Variants in GLDC observed in about 807,000 individuals in gnomAD.
The protein encoded by GLDC is glycine decarboxylase, also known as glycine dehydrogenase (decarboxylating), mitochondrial.
In GLDC, 104 loss-of-function variants were observed where a neutral mutation model predicts 121.3. That is an observed-to-expected ratio of 0.86 (90% CI 0.73 to 1.01). The LOEUF is 1.01. Among genes scored for constraint, GLDC ranks in the 50% least tolerant of loss-of-function variants. The probability of loss-of-function intolerance (pLI) is 0.00; values close to 1 mark genes in which losing one functional copy is unlikely to be tolerated. For synonymous variants in GLDC, 546 were observed against 480.6 expected (o/e 1.14, Z -1.78); for missense variants, 1,429 against 1,306.6 (o/e 1.09, Z -1.44).
intron 3 of GLDC, among the ~76,000 whole-genome samples, chr9:6,615,481 C>G (rs1006198246): frequency 9.3e-5 from 14 of 151,308 alleles, no homozygotes; most frequent in Non-Finnish European, 1.3e-4. Flanking sequence ...ACTCAGGAGG[C>G]TGAGGCAGGA....
In GLDC at chr9:6,536,090, T is replaced by C; in HGVS notation, c.2812A>G (p.Ile938Val). 2 of 1,613,982 alleles carry C rather than the reference T, an allele frequency of 1.2e-6. No individual in the cohort carries two copies. The highest frequency in any genetic ancestry group is 1.7e-6 in the Non-Finnish European group (2 of 1,179,952). ...TTCAGCGGATTGACCCTGGGGTCGA[T>C]GCGGCCCTCCTCAATGTCAGCAATT... The part of the protein sequence containing the change: ...QEIADIEEGR[I>V]DPRVNPLKMS... Residue 938 changes from isoleucine (I) to valine (V), a missense_variant, in exon 23 of 25, where the codon ATC (isoleucine) becomes GTC (valine). By Grantham distance (29) the Ile-to-Val change is conservative. Coordinates refer to ENST00000321612, the MANE Select transcript of GLDC (RefSeq NM_000170.3).
At chr9:6,539,792 G>C (rs1817217520) in intron 22 of GLDC, among the ~76,000 whole-genome samples, 1 of 152,158 alleles carries the variant, frequency 6.6e-6, no homozygotes, top group Non-Finnish European at 1.5e-5. Context: ...GCAACTCAAA[G>C]GGGTTTTAAT....
At position 6,592,285 on chromosome 9, in the gene GLDC, C is replaced by A. The variant is rs41281775; in HGVS notation, c.1402-62G>T. ...TAAACTCCACATCACTGGAGGAATC[C>A]CAAGAGAGGTCAAAGGGGAGACAGT... On this transcript the variant is annotated intron_variant, in intron 10 of 24. Transcript: ENST00000321612. 0.011 allele frequency: 11,218 copies of A among 1,017,746 alleles called. 97 individuals carry two copies. Among genetic ancestry groups the A allele is most frequent in the South Asian group, 0.013 (1,060 of 79,208 alleles). The allele number at this position is 1,017,746 out of a possible 1,614,324, so 63.0% of individuals were successfully genotyped here.
rs181528443 is a variant in GLDC, at chr9:6,549,864, C to G, written c.2569+939G>C. On this transcript the variant is annotated intron_variant, in intron 21 of 24. Coordinates refer to ENST00000321612, the MANE Select transcript of GLDC (RefSeq NM_000170.3). ...GCCGTCTTAATGATTGTAACGGTCT[C>G]TTCATGAATCCCTACCCTCCCCTGC... 2.5e-3 allele frequency among the ~76,000 whole-genome samples: 383 copies of G among 152,256 alleles called. 3 individuals are homozygous for G. Among genetic ancestry groups the G allele is most frequent in the African/African-American group, 9.0e-3 (372 of 41,550 alleles).
intron 2 of GLDC, among the ~76,000 whole-genome samples, chr9:6,624,287 C>T (rs981320765): frequency 1.3e-5 from 2 of 152,174 alleles, no homozygotes; most frequent in African/African-American, 2.4e-5. Context: ...ATAGGGTCTC[C>T]ACTGATGTAA....
At chr9:6,635,058 C>G (rs1327545527) in intron 2 of GLDC, among the ~76,000 whole-genome samples, 2 of 152,224 alleles carry the variant, frequency 1.3e-5, no homozygotes, top group African/African-American at 4.8e-5. Context: ...CCTCAAATAA[C>G]CACGTATTTC....
intron 18 of GLDC, among the ~76,000 whole-genome samples, chr9:6,555,353 T>G (rs1035967966): frequency 4.6e-5 from 7 of 152,126 alleles, no homozygotes; most frequent in African/African-American, 1.7e-4. Context: ...ACTTGGGTGT[T>G]AGGACTAATT....
In GLDC at chr9:6,634,527, T is replaced by TCAAACAAACAAA. The variant is rs140567848; in HGVS notation, c.334+10075_334+10086dup. Among the ~76,000 whole-genome samples the TCAAACAAACAAA allele has an allele frequency of 4.9e-4, 72 of 147,442 alleles. 1 individual carries two copies. The highest frequency in any genetic ancestry group is 1.7e-3 in the African/African-American group (67 of 39,340). ...CTAGGTGACATAACCAGACCGTGTC[T>TCAAACAAACAAA]CAAACAAACAAACAAACAAACAAAC... is the stretch of plus-strand genomic sequence containing the variant. On this transcript the variant is annotated intron_variant, in intron 2 of 24. Transcript: ENST00000321612.
rs1198813513 is a variant in GLDC, at chr9:6,558,444, TG to T, written c.2052+114del. 3.3e-6 allele frequency: 4 copies of T among 1,228,378 alleles called. No homozygotes were observed. The Admixed American group carries it at 6.7e-5, about 21-fold the overall frequency. The allele number at this position is 1,228,378 out of a possible 1,614,324, so 76.1% of individuals were successfully genotyped here. A position where few individuals can be genotyped will look rare whatever the true frequency, so the allele number is the denominator to read the frequency against. On this transcript the variant is annotated intron_variant, in intron 17 of 24. Transcript: ENST00000321612. ...AGTAGACTCTGGTCAAAGGAAGAAC[TG>T]CAGACTTTTCATTAGAATGCAAGAG...
chr9:6,554,014 A>G (rs1234012100), intron 19 of GLDC, among the ~76,000 whole-genome samples: 1 of 152,192 alleles, frequency 6.6e-6, no homozygotes, highest in African/African-American at 2.4e-5. Context: ...GAAAGAAGAA[A>G]AAAGTAAGAA....
In GLDC at chr9:6,610,179, A is replaced by AGAG; in HGVS notation, c.635+10_635+12dup. On this transcript the variant is annotated intron_variant, in intron 4 of 24. Transcript: ENST00000321612. The stretch of plus-strand genomic sequence containing the variant: ...CCACAACTGGAATTCCAGCACTTTG[A>AGAG]GAGGCCTCTCACCTGTAGCACAGCT... 6.2e-7 allele frequency: 1 copy of AGAG among 1,601,104 alleles called. No individual in the cohort carries two copies. Among genetic ancestry groups the AGAG allele is most frequent in the Non-Finnish European group, 8.5e-7 (1 of 1,172,736 alleles).
intron 6 of GLDC, 97 bp downstream of exon 6, chr9:6,605,031 AAAG>A (rs779583064): frequency 4.4e-5 from 53 of 1,194,736 alleles, no homozygotes; most frequent in Middle Eastern, 2.7e-4. Context: ...TGATAATGGT[AAAG>A]AAATTAAGGC....
At chr9:6,564,760 G>C in intron 16 of GLDC, among the ~76,000 whole-genome samples, 1 of 152,224 alleles carries the variant, frequency 6.6e-6, no homozygotes, top group Admixed American at 6.5e-5. Context: ...ATTAGTACCT[G>C]CTGGTCCCCA....
intron 20 of GLDC, among the ~76,000 whole-genome samples, chr9:6,551,549 T>C (rs1817515059): frequency 6.6e-6 from 1 of 152,112 alleles, no homozygotes; most frequent in African/African-American, 2.4e-5. Context: ...ACATAACTAA[T>C]GTAAAGAGAA....
intron 5 of GLDC, 43 bp downstream of exon 5, chr9:6,606,549 C>A: frequency 9.2e-7 from 1 of 1,085,056 alleles, no homozygotes; most frequent in Non-Finnish European, 1.4e-6. Context: ...CAGAGATGAA[C>A]ATGACATTAT....
chr9:6,609,812 C>A (rs1192436213), intron 4 of GLDC, among the ~76,000 whole-genome samples: 1 of 152,146 alleles, frequency 6.6e-6, no homozygotes, highest in Non-Finnish European at 1.5e-5. Context: ...CCCACCCTCG[C>A]AGCCCCCAGG....
intron 8 of GLDC, among the ~76,000 whole-genome samples, chr9:6,598,303 T>C (rs1404163743): frequency 6.6e-6 from 1 of 152,214 alleles, no homozygotes; most frequent in Non-Finnish European, 1.5e-5. Context: ...AGTGTTGAGA[T>C]TACAGGTGTG....
intron 17 of GLDC, among the ~76,000 whole-genome samples, chr9:6,557,472 T>C (rs772006483): frequency 4.6e-5 from 7 of 152,106 alleles, no homozygotes; most frequent in Non-Finnish European, 1.0e-4. Flanking sequence ...CACACGCCTG[T>C]AGTCCCAGCT....
chr9:6,630,811 C>A (rs768656080), intron 2 of GLDC, among the ~76,000 whole-genome samples: 2 of 152,158 alleles, frequency 1.3e-5, no homozygotes, highest in Non-Finnish European at 2.9e-5. Context: ...CATCTGCATG[C>A]TGATCCTTTC....
Sources: gnomAD v4.1 joint callset for allele counts (sites outside exome capture counted in the v4.1 genomes callset) on GRCh38, gnomAD v4.1.1 for gene constraint, MANE v1.5 for transcripts, NCBI Gene and HGNC (gene_info 2026-07-23, HGNC 2026-07-21) for gene names.